FBXL7: variants seen among roughly 807,000 people sequenced by gnomAD.
FBXL7 encodes the protein F-box and leucine rich repeat protein 7.
Under a neutral mutation model 38.3 loss-of-function variants are expected in FBXL7, and 12 were observed. That is an observed-to-expected ratio of 0.31 (90% CI 0.20 to 0.51). The LOEUF (loss-of-function observed/expected upper bound fraction) is 0.51. Among genes scored for constraint, FBXL7 ranks in the 20% least tolerant of loss-of-function variants. The pLI is 0.98. For missense variants in FBXL7, 567 were observed against 676.4 expected (o/e 0.84, Z 1.79); for synonymous variants, 297 against 300.9 (o/e 0.99, Z 0.13).
intron 2 of FBXL7, among the ~76,000 whole-genome samples, chr5:15,790,521 C>T (rs1170185476): frequency 6.6e-6 from 1 of 152,160 alleles, no homozygotes; most frequent in Non-Finnish European, 1.5e-5. Context: ...ATTAAAGCCA[C>T]CCATGCCAGC....
At chr5:15,522,750 C>T (rs1385516325) in intron 1 of FBXL7, among the ~76,000 whole-genome samples, 2 of 152,198 alleles carry the variant, frequency 1.3e-5, no homozygotes, top group Non-Finnish European at 2.9e-5. Flanking sequence ...CTACTGTCAG[C>T]TTTAAAATGC....
intron 1 of FBXL7, among the ~76,000 whole-genome samples, chr5:15,520,855 C>G (rs1204682394): frequency 6.6e-6 from 1 of 152,144 alleles, no homozygotes; most frequent in Non-Finnish European, 1.5e-5. Flanking sequence ...TAATCTGGTC[C>G]TGTCCTCCAG....
chr5:15,849,580 C>T lies in FBXL7; in HGVS notation c.128-78310C>T, dbSNP rs114069513. Among the ~76,000 whole-genome samples, 740 of 152,240 alleles carry T rather than the reference C, an allele frequency of 4.9e-3. 5 individuals are homozygous for T. The highest frequency in any genetic ancestry group is 0.016 in the African/African-American group (678 of 41,536). On this transcript the variant is annotated intron_variant, in intron 2 of 3. Coordinates refer to ENST00000504595, the MANE Select transcript of FBXL7 (RefSeq NM_012304.5). ...CACTCTTGTCTGCCACCATGTAAGA[C>T]GTGTCTTTCACCTTCTGCCATGAGT...
intron 2 of FBXL7, among the ~76,000 whole-genome samples, chr5:15,851,575 G>A (rs1579519990): frequency 6.6e-6 from 1 of 152,256 alleles, no homozygotes; most frequent in East Asian, 1.9e-4. Flanking sequence ...GGGGGTTGTA[G>A]TCACCCTGAG....
chr5:15,598,209 T>C (rs1422345590), intron 1 of FBXL7, among the ~76,000 whole-genome samples: 1 of 152,208 alleles, frequency 6.6e-6, no homozygotes, highest in African/African-American at 2.4e-5. Flanking sequence ...CAGAGTACAT[T>C]AAACTGTTTT....
intron 1 of FBXL7, among the ~76,000 whole-genome samples, chr5:15,601,892 A>T (rs947225169): frequency 1.3e-5 from 2 of 152,140 alleles, no homozygotes; most frequent in Non-Finnish European, 2.9e-5. Context: ...CTTATTTGGA[A>T]ATAGGGTTGT....
intron 2 of FBXL7, among the ~76,000 whole-genome samples, chr5:15,777,748 T>TAAAAAAAAAAAAAAAAAA (rs1250146374): frequency 1.9e-3 from 170 of 89,370 alleles, no homozygotes; most frequent in African/African-American, 5.1e-3. Flanking sequence ...AAAAAAAAAG[T>TAAAAAAAAAAAAAAAAAA]AAATTCCAGT....
chr5:15,734,861 T>C (rs1735705610), intron 2 of FBXL7, among the ~76,000 whole-genome samples: 1 of 152,218 alleles, frequency 6.6e-6, no homozygotes, highest in Admixed American at 6.5e-5. Context: ...TGGGTGGATG[T>C]AAAGTTAGCG....
intron 1 of FBXL7, among the ~76,000 whole-genome samples, chr5:15,516,809 A>G (rs929547207): frequency 2.0e-5 from 3 of 151,928 alleles, no homozygotes; most frequent in African/African-American, 4.8e-5. Flanking sequence ...TTTGGTCGGC[A>G]TTTCTCCTTG....
At chr5:15,917,115 T>G (rs143517809) in intron 2 of FBXL7, among the ~76,000 whole-genome samples, 325 of 152,304 alleles carry the variant, frequency 2.1e-3, no homozygotes, top group African/African-American at 7.5e-3. Flanking sequence ...GAGTTAGGAA[T>G]CCAGGTTTTT....
At chr5:15,590,064 A>C (rs916841877) in intron 1 of FBXL7, among the ~76,000 whole-genome samples, 1 of 152,196 alleles carries the variant, frequency 6.6e-6, no homozygotes, top group Non-Finnish European at 1.5e-5. Context: ...CTCTTAAGAT[A>C]TCTTTGACCT....
intron 2 of FBXL7, among the ~76,000 whole-genome samples, chr5:15,650,502 A>G (rs1741672136): frequency 6.6e-6 from 1 of 152,158 alleles, no homozygotes; most frequent in Admixed American, 6.5e-5. Context: ...AATTTCTTAG[A>G]ATAAGACAAC....
intron 2 of FBXL7, among the ~76,000 whole-genome samples, chr5:15,824,688 A>G (rs569722676): frequency 5.3e-5 from 8 of 152,292 alleles, no homozygotes; most frequent in African/African-American, 1.7e-4. Context: ...AGCTTCCTTT[A>G]TCGGTTTTGC....
intron 2 of FBXL7, among the ~76,000 whole-genome samples, chr5:15,906,349 T>C (rs189647064): frequency 9.9e-5 from 15 of 151,952 alleles, no homozygotes; most frequent in African/African-American, 3.6e-4. Flanking sequence ...GACTCAGAAA[T>C]TATAGGCTGT....
At chr5:15,729,551 C>T (rs1407405814) in intron 2 of FBXL7, among the ~76,000 whole-genome samples, 1 of 152,042 alleles carries the variant, frequency 6.6e-6, no homozygotes, top group Non-Finnish European at 1.5e-5. Context: ...TTTAATAAAA[C>T]TTCATGCACA....
At chr5:15,769,050 T>C (rs560091677) in intron 2 of FBXL7, among the ~76,000 whole-genome samples, 3 of 152,290 alleles carry the variant, frequency 2.0e-5, no homozygotes, top group East Asian at 1.9e-4. Flanking sequence ...CCTAATTCCA[T>C]GAACAGACAG....
chr5:15,853,034 T>C (rs1437644712), intron 2 of FBXL7, among the ~76,000 whole-genome samples: 4 of 152,190 alleles, frequency 2.6e-5, no homozygotes, highest in Non-Finnish European at 5.9e-5. Context: ...CTCTTCTCTA[T>C]GAGGCAGATC....
chr5:15,676,515 T>C (rs953205731), intron 2 of FBXL7, among the ~76,000 whole-genome samples: 48 of 152,244 alleles, frequency 3.2e-4, no homozygotes, highest in African/African-American at 1.1e-3. Context: ...ACTCAAGCTT[T>C]TCAAAACAAT....
intron 1 of FBXL7, among the ~76,000 whole-genome samples, chr5:15,615,306 G>A (rs558766773): frequency 4.6e-5 from 7 of 152,190 alleles, no homozygotes; most frequent in South Asian, 2.1e-4. Context: ...TGTGGCGGCC[G>A]ACCTGTGCAT....
Sources: gnomAD v4.1 joint callset for allele counts (sites outside exome capture counted in the v4.1 genomes callset) on GRCh38, gnomAD v4.1.1 for gene constraint, MANE v1.5 for transcripts, NCBI Gene and HGNC (gene_info 2026-07-23, HGNC 2026-07-21) for gene names.